The following KAZN variants were observed in gnomAD, a reference collection of about 807,000 sequenced individuals.
The protein encoded by KAZN is kazrin, periplakin interacting protein, also known as kazrin.
A neutral mutation model predicts 87.4 loss-of-function variants in KAZN; 40 were observed. The observed-to-expected ratio is 0.46, with a 90% CI of 0.36 to 0.60. The LOEUF is 0.60. Among genes scored for constraint, KAZN ranks in the 20% least tolerant of loss-of-function variants. KAZN has a pLI of 0.00. For missense variants in KAZN, 898 were observed against 1,073.9 expected (o/e 0.84, Z 2.29); for synonymous variants, 466 against 458.3 (o/e 1.02, Z -0.22).
At chr1:13,898,321 G>A (rs1639121236) in intron 1 of KAZN, among the ~76,000 whole-genome samples, 1 of 152,180 alleles carries the variant, frequency 6.6e-6, no homozygotes, top group Non-Finnish European at 1.5e-5. Context: ...GAGGGCTGTT[G>A]CCCCATCCCC....
chr1:14,492,204 C>T (rs1480243993), intron 2 of KAZN, among the ~76,000 whole-genome samples: 2 of 152,160 alleles, frequency 1.3e-5, no homozygotes, highest in East Asian at 3.9e-4. Context: ...CAGACTTGCC[C>T]AAGAAGAGTG....
intron 1 of KAZN, among the ~76,000 whole-genome samples, chr1:13,908,875 T>G (rs1193839232): frequency 6.6e-6 from 1 of 152,162 alleles, no homozygotes; most frequent in Non-Finnish European, 1.5e-5. Flanking sequence ...TGTTAAGGAC[T>G]TTCGTGAGCT....
intron 1 of KAZN, among the ~76,000 whole-genome samples, chr1:14,706,404 T>C (rs550871875): frequency 1.3e-5 from 2 of 152,036 alleles, no homozygotes; most frequent in Non-Finnish European, 2.9e-5. Context: ...GGGACCGCTG[T>C]TCTGCACCAC....
intron 2 of KAZN, among the ~76,000 whole-genome samples, chr1:14,208,515 C>G (rs1270672754): frequency 1.3e-5 from 2 of 152,154 alleles, no homozygotes. Context: ...AGCCGGTAGT[C>G]TCTACTCTCA....
intron 2 of KAZN, among the ~76,000 whole-genome samples, chr1:14,254,693 C>A (rs948333433): frequency 5.9e-5 from 9 of 151,936 alleles, no homozygotes; most frequent in African/African-American, 2.2e-4. Flanking sequence ...AAAGAAATAC[C>A]TGAGACTGGG....
chr1:14,855,535 C>A (rs112959500), intron 1 of KAZN, among the ~76,000 whole-genome samples: 4 of 152,154 alleles, frequency 2.6e-5, no homozygotes, highest in Non-Finnish European at 5.9e-5. Flanking sequence ...TGAGATGGGT[C>A]GGGTCACTGA....
At chr1:14,605,480 G>C (rs1202775161) in intron 1 of KAZN, among the ~76,000 whole-genome samples, 1 of 152,156 alleles carries the variant, frequency 6.6e-6, no homozygotes, top group African/African-American at 2.4e-5. Flanking sequence ...AATATAAACA[G>C]TTAACAGATA....
chr1:15,033,289 G>A (rs769090765), intron 2 of KAZN, among the ~76,000 whole-genome samples: 20 of 152,112 alleles, frequency 1.3e-4, no homozygotes, highest in Non-Finnish European at 2.6e-4. Flanking sequence ...TCCATTGTGT[G>A]GATATATCTC....
chr1:14,416,801 A>C lies in KAZN; in HGVS notation c.250-182182A>C, dbSNP rs554072224. On this transcript the variant is annotated intron_variant, in intron 2 of 16. Transcript: ENST00000636203. ...ATATATAAGCAAAAAGGGAAAAAAA[A>C]CCCAGCTGCATGTGGTGGTGGCCCA... Among the ~76,000 whole-genome samples, 43 of 151,972 alleles carry C rather than the reference A, an allele frequency of 2.8e-4. 2 individuals carry two copies. In the South Asian group the frequency reaches 8.6e-3, roughly 30 times the overall value.
intron 1 of KAZN, among the ~76,000 whole-genome samples, chr1:14,830,794 A>C (rs79217205): frequency 0.038 from 5,823 of 152,178 alleles, 139 homozygotes; most frequent in Middle Eastern, 0.068. Flanking sequence ...TTCCACCAGG[A>C]CCCTCCCACA....
chr1:15,017,967 A>T (rs1670293359), intron 2 of KAZN, among the ~76,000 whole-genome samples: 1 of 152,132 alleles, frequency 6.6e-6, no homozygotes, highest in Non-Finnish European at 1.5e-5. Context: ...CACATATACT[A>T]ACTTATTGAT....
intron 1 of KAZN, among the ~76,000 whole-genome samples, chr1:14,036,769 TTTA>T (rs1205181017): frequency 6.6e-6 from 1 of 151,848 alleles, no homozygotes; most frequent in Non-Finnish European, 1.5e-5. Flanking sequence ...TATTTATTTA[TTTA>T]TTATTATTAT....
chr1:14,275,697 C>A (rs895298003), intron 2 of KAZN, among the ~76,000 whole-genome samples: 4 of 152,120 alleles, frequency 2.6e-5, no homozygotes, highest in Admixed American at 2.0e-4. Flanking sequence ...CATTTTAGAG[C>A]CAATAGACAT....
intron 1 of KAZN, among the ~76,000 whole-genome samples, chr1:14,156,160 G>T (rs1018758891): frequency 6.6e-6 from 1 of 152,030 alleles, no homozygotes; most frequent in Admixed American, 6.6e-5. Flanking sequence ...AACTCCTCTT[G>T]TTATTGATTT....
At chr1:14,681,732 A>G (rs1296648319) in intron 1 of KAZN, among the ~76,000 whole-genome samples, 1 of 118,938 alleles carries the variant, frequency 8.4e-6, no homozygotes, top group African/African-American at 3.3e-5. Context: ...GCTGGAGTGC[A>G]GTGGCGCAAT....
chr1:13,913,362 A>G (rs1206478817), intron 1 of KAZN, among the ~76,000 whole-genome samples: 2 of 152,146 alleles, frequency 1.3e-5, no homozygotes, highest in African/African-American at 4.8e-5. Context: ...GGATCTTTCC[A>G]GATACTTTGC....
At chr1:14,060,537 T>C (rs969979750) in intron 1 of KAZN, among the ~76,000 whole-genome samples, 7 of 152,126 alleles carry the variant, frequency 4.6e-5, no homozygotes, top group Non-Finnish European at 1.0e-4. Context: ...TTCAAGGGTT[T>C]GTAGAGAGGG....
chr1:14,039,824 C>G (rs1241964052), intron 1 of KAZN, among the ~76,000 whole-genome samples: 1 of 152,190 alleles, frequency 6.6e-6, no homozygotes, highest in Non-Finnish European at 1.5e-5. Flanking sequence ...GCACAGATAA[C>G]TGTGGATTAT....
chr1:14,984,260 G>A (rs1264324469), intron 2 of KAZN, among the ~76,000 whole-genome samples: 4 of 151,506 alleles, frequency 2.6e-5, no homozygotes, highest in Admixed American at 2.6e-4. Flanking sequence ...GGGAGGCTGA[G>A]CATCTACATG....
Sources: allele counts gnomAD v4.1 joint callset (sites outside exome capture counted in the v4.1 genomes callset), GRCh38; gene constraint gnomAD v4.1.1; transcripts MANE v1.5; gene names NCBI Gene and HGNC (gene_info 2026-07-23, HGNC 2026-07-21).